RALGPS1: variants seen among roughly 807,000 people sequenced by gnomAD.
RALGPS1 encodes ras-specific guanine nucleotide-releasing factor RalGPS1.
In RALGPS1, 19 loss-of-function variants were observed where a neutral mutation model predicts 78.8. The observed-to-expected ratio is 0.24, with a 90% confidence interval of 0.17 to 0.35. The LOEUF is 0.35. Ranked by LOEUF, RALGPS1 falls within the 10% of genes least tolerant of loss-of-function variation. RALGPS1 has a pLI of 1.00. For missense variants in RALGPS1, 454 were observed against 688.3 expected (o/e 0.66, Z 3.81); for synonymous variants, 228 against 256.3 (o/e 0.89, Z 1.06).
At chr9:127,089,154 C>T (rs1250305716) in intron 8 of RALGPS1, 20 of 1,613,638 alleles carry the variant, frequency 1.2e-5, no homozygotes, top group Non-Finnish European at 1.7e-5. Context: ...AGAGAGAAGG[C>T]AGTGAGAGGG....
At chr9:127,027,734 A>G (rs2046079907) in intron 4 of RALGPS1, among the ~76,000 whole-genome samples, 1 of 152,208 alleles carries the variant, frequency 6.6e-6, no homozygotes, top group Non-Finnish European at 1.5e-5. Flanking sequence ...TGCTTCCCTT[A>G]GCCTGCTTTG....
chr9:126,928,344 G>C (rs936687452), intron 1 of RALGPS1, among the ~76,000 whole-genome samples: 1 of 151,302 alleles, frequency 6.6e-6, no homozygotes, highest in Non-Finnish European at 1.5e-5. Flanking sequence ...CCATCGTGGT[G>C]TGATGCCTTT....
In RALGPS1 at chr9:127,203,516, TG is replaced by T. The variant is rs71493878; in HGVS notation, c.1247+4457del. 5.6e-3 allele frequency among the ~76,000 whole-genome samples: 840 copies of T among 149,994 alleles called. 6 individuals carry two copies. Among genetic ancestry groups the T allele is most frequent in the Non-Finnish European group, 8.0e-3 (543 of 67,530 alleles). ...TACAGGTAGTGGGAAGCGTAGGGGA[TG>T]GGGGGGTCCTTGGAAGGCCCAGGGT... is the stretch of plus-strand genomic sequence containing the variant. On this transcript the variant is annotated intron_variant, in intron 14 of 18. Coordinates refer to ENST00000259351, the MANE Select transcript of RALGPS1 (RefSeq NM_014636.3).
rs538775479 is a variant in RALGPS1, at chr9:127,184,099, G to C, written c.910+9317G>C. ...CCAGCACTTTGGGAAGCCGAAGCAGGAGGATCACTTGAGCCCAGGAGTTCA... is the reference window on the plus strand; with the variant it reads ...CCAGCACTTTGGGAAGCCGAAGCAGCAGGATCACTTGAGCCCAGGAGTTCA... On this transcript the variant is annotated intron_variant, in intron 11 of 18. Coordinates refer to ENST00000259351, the MANE Select transcript of RALGPS1 (RefSeq NM_014636.3). 1,108 of 1,515,182 alleles carry C rather than the reference G, an allele frequency of 7.3e-4. 1 individual carries two copies. The highest frequency in any genetic ancestry group is 9.0e-4 in the Non-Finnish European group (1,020 of 1,127,100). 93.9% of individuals were successfully genotyped at this position (1,515,182 alleles called of 1,614,324 possible).
intron 4 of RALGPS1, among the ~76,000 whole-genome samples, chr9:127,023,172 AC>A (rs2045631019): frequency 6.6e-6 from 1 of 152,138 alleles, no homozygotes; most frequent in Non-Finnish European, 1.5e-5. Context: ...ACCTCAGTCC[AC>A]TGGCAGCTCC....
rs556405994 is a variant in RALGPS1, at chr9:127,184,075, C to T, written c.910+9293C>T. The T allele has an allele frequency of 2.3e-5, 36 of 1,540,110 alleles. No individual in the cohort carries two copies. In the African/African-American group the frequency reaches 4.8e-4, roughly 20 times the overall value. On this transcript the variant is annotated intron_variant, in intron 11 of 18. Coordinates refer to ENST00000259351, the MANE Select transcript of RALGPS1 (RefSeq NM_014636.3). ...GTGCAGTGGCTCTCACCTGTAATCC[C>T]AGCACTTTGGGAAGCCGAAGCAGGA...
intron 8 of RALGPS1, among the ~76,000 whole-genome samples, chr9:127,109,316 G>A (rs551205105): frequency 9.2e-5 from 14 of 152,292 alleles, no homozygotes; most frequent in African/African-American, 2.6e-4. Flanking sequence ...AGGGCATGTC[G>A]TCTGTCTGAT....
intron 8 of RALGPS1, among the ~76,000 whole-genome samples, chr9:127,100,600 C>T (rs1004882395): frequency 6.6e-6 from 1 of 152,158 alleles, no homozygotes; most frequent in Non-Finnish European, 1.5e-5. Context: ...CCCAAGGCTT[C>T]CTGGGTGAGG....
At chr9:127,042,415 A>T (rs963845680) in intron 5 of RALGPS1, among the ~76,000 whole-genome samples, 3 of 152,160 alleles carry the variant, frequency 2.0e-5, no homozygotes, top group Admixed American at 6.5e-5. Context: ...TAGAAAAATC[A>T]TATTATTATA....
intron 8 of RALGPS1, among the ~76,000 whole-genome samples, chr9:127,154,140 G>A (rs895584420): frequency 6.6e-6 from 1 of 152,252 alleles, no homozygotes; most frequent in Non-Finnish European, 1.5e-5. Context: ...AGAGCTGAGG[G>A]CTGAGTGCTT....
chr9:127,167,930 C>T (rs749292138), intron 9 of RALGPS1, among the ~76,000 whole-genome samples: 12 of 152,232 alleles, frequency 7.9e-5, no homozygotes, highest in African/African-American at 1.2e-4. Flanking sequence ...CCTCCAGAAA[C>T]GGGCAACACC....
intron 3 of RALGPS1, among the ~76,000 whole-genome samples, chr9:126,968,946 G>A (rs1283599411): frequency 1.3e-5 from 2 of 152,068 alleles, no homozygotes; most frequent in Non-Finnish European, 2.9e-5. Flanking sequence ...TACTCAGGAG[G>A]CTGAGGCAGG....
chr9:127,210,850 GT>G (rs892192709), intron 14 of RALGPS1: 1 of 1,310,404 alleles, frequency 7.6e-7, no homozygotes, highest in South Asian at 1.3e-5. Flanking sequence ...GCCAAGCACT[GT>G]GCTAGAGGCT....
intron 8 of RALGPS1, among the ~76,000 whole-genome samples, chr9:127,138,607 T>C (rs1366814194): frequency 6.6e-6 from 1 of 152,154 alleles, no homozygotes; most frequent in African/African-American, 2.4e-5. Context: ...AGGCTCTCGG[T>C]GCCAGTCATC....
chr9:127,038,999 G>GT (rs1033799150), intron 5 of RALGPS1, among the ~76,000 whole-genome samples: 3 of 152,218 alleles, frequency 2.0e-5, no homozygotes, highest in Non-Finnish European at 4.4e-5. Flanking sequence ...AGTTTTGAGA[G>GT]TTGGAGATGA....
chr9:126,983,723 T>C (rs2041538481), intron 4 of RALGPS1, among the ~76,000 whole-genome samples: 1 of 152,188 alleles, frequency 6.6e-6, no homozygotes, highest in South Asian at 2.1e-4. Context: ...CTTAACTTAT[T>C]GAAAGGTTAG....
intron 10 of RALGPS1, among the ~76,000 whole-genome samples, chr9:127,173,532 A>G (rs2059674099): frequency 6.6e-6 from 1 of 151,908 alleles, no homozygotes; most frequent in Non-Finnish European, 1.5e-5. Context: ...AGCTTTTATA[A>G]TTTTTTGTTG....
intron 4 of RALGPS1, among the ~76,000 whole-genome samples, chr9:127,027,454 A>G (rs760813149): frequency 2.0e-5 from 3 of 152,184 alleles, no homozygotes; most frequent in Non-Finnish European, 4.4e-5. Context: ...TATTTCATTC[A>G]TGGTCTCATT....
At chr9:127,159,033 G>A (rs560687614) in intron 8 of RALGPS1, among the ~76,000 whole-genome samples, 81 of 152,096 alleles carry the variant, frequency 5.3e-4, no homozygotes, top group South Asian at 2.9e-3. Flanking sequence ...GTGTTAGGCA[G>A]AAAAAAGTGT....
Sources: allele counts gnomAD v4.1 joint callset (sites outside exome capture counted in the v4.1 genomes callset), GRCh38; gene constraint gnomAD v4.1.1; transcripts MANE v1.5; gene names NCBI Gene and HGNC (gene_info 2026-07-23, HGNC 2026-07-21).